MSH3: variants seen among roughly 807,000 people sequenced by gnomAD.
MSH3 encodes DNA mismatch repair protein Msh3.
Under a neutral mutation model 123.3 loss-of-function variants are expected in MSH3, and 106 were observed. That is an observed-to-expected ratio of 0.86 (90% CI 0.73 to 1.01). The LOEUF (loss-of-function observed/expected upper bound fraction) is 1.01. Among genes scored for constraint, MSH3 ranks in the 50% least tolerant of loss-of-function variants. MSH3 has a pLI of 0.00. For missense variants in MSH3, 1,459 were observed against 1,347.6 expected, an observed-to-expected ratio of 1.08 and a Z score of -1.29; for synonymous variants, 515 against 481.4, an observed-to-expected ratio of 1.07 and a Z score of -0.91.
At chr5:80,661,398 T>A (rs1376561495) in intron 2 of MSH3, among the ~76,000 whole-genome samples, 4 of 152,198 alleles carry the variant, frequency 2.6e-5, no homozygotes, top group Admixed American at 2.6e-4. Flanking sequence ...GTTTTCAAGT[T>A]CAGTGGTCTT....
intron 18 of MSH3, among the ~76,000 whole-genome samples, chr5:80,789,385 T>C (rs7702770): frequency 4.7e-5 from 7 of 149,106 alleles, no homozygotes; most frequent in African/African-American, 1.2e-4. Context: ...TTTTTTTTTT[T>C]CCTGAGACAG....
chr5:80,871,381 G>A (rs1286549703), intron 22 of MSH3, among the ~76,000 whole-genome samples: 3 of 152,188 alleles, frequency 2.0e-5, no homozygotes, highest in Non-Finnish European at 4.4e-5. Context: ...TGAGTCAGGA[G>A]TCCAGGTGCA....
In MSH3 at chr5:80,832,064, C is replaced by T. The variant is rs1183216174; in HGVS notation, c.2813+18323C>T. Among the ~76,000 whole-genome samples, 9 of 151,916 alleles carry T rather than the reference C, an allele frequency of 5.9e-5. No individual in the cohort carries two copies. In the South Asian group the frequency reaches 1.9e-3, roughly 32 times the overall value. On this transcript the variant is annotated intron_variant, in intron 20 of 23. Transcript: ENST00000265081. ...GGCGGAGCTTGCAGTGAGCTGAGAT[C>T]GCGCCACTGCACTCCAGCCTGGGCG...
chr5:80,766,544 C>CATG (rs1744127830), intron 13 of MSH3, among the ~76,000 whole-genome samples: 1 of 151,856 alleles, frequency 6.6e-6, no homozygotes, highest in Admixed American at 6.6e-5. Context: ...GGGGTTTCAC[C>CATG]ATGTTGGTAG....
chr5:80,726,477 T>A (rs1743305033), intron 9 of MSH3, among the ~76,000 whole-genome samples: 1 of 152,118 alleles, frequency 6.6e-6, no homozygotes. Context: ...CACTTCTTTT[T>A]ATTTTTTTCT....
intron 2 of MSH3, among the ~76,000 whole-genome samples, chr5:80,663,575 G>T (rs995462570): frequency 1.3e-5 from 2 of 151,616 alleles, no homozygotes; most frequent in East Asian, 3.9e-4. Context: ...CTATAGGAGG[G>T]AAACTCTTTG....
At chr5:80,699,341 C>G (rs879296366) in intron 8 of MSH3, among the ~76,000 whole-genome samples, 1 of 151,936 alleles carries the variant, frequency 6.6e-6, no homozygotes, top group East Asian at 1.9e-4. Context: ...GGTGGATCAC[C>G]TGAGGTCAGG....
intron 1 of MSH3, chr5:80,655,225 C>T: frequency 2.9e-6 from 1 of 345,326 alleles, no homozygotes; most frequent in East Asian, 4.4e-5. Flanking sequence ...CTCAGGTCTC[C>T]TGACTCCCAT....
At chr5:80,784,462 G>A (rs1219822200) in intron 17 of MSH3, among the ~76,000 whole-genome samples, 4 of 151,990 alleles carry the variant, frequency 2.6e-5, no homozygotes, top group African/African-American at 4.8e-5. Context: ...TATGGGGTAC[G>A]TGAGATATTT....
intron 6 of MSH3, among the ~76,000 whole-genome samples, chr5:80,673,885 A>T (rs1303631046): frequency 6.6e-6 from 1 of 152,218 alleles, no homozygotes. Context: ...ATGGGGGTGG[A>T]ATCAGTTCTC....
chr5:80,869,991 T>C (rs1469291327), intron 22 of MSH3, among the ~76,000 whole-genome samples: 2 of 150,870 alleles, frequency 1.3e-5, no homozygotes, highest in Non-Finnish European at 3.0e-5. Flanking sequence ...CTGACCAACA[T>C]GGAGAAACCC....
intron 12 of MSH3, among the ~76,000 whole-genome samples, chr5:80,759,689 G>C (rs1348086910): frequency 6.6e-6 from 1 of 152,196 alleles, no homozygotes; most frequent in Non-Finnish European, 1.5e-5. Flanking sequence ...AACCACTCAG[G>C]CTGCAGTGTG....
intron 9 of MSH3, among the ~76,000 whole-genome samples, chr5:80,725,948 C>T (rs1743296902): frequency 6.6e-6 from 1 of 152,152 alleles, no homozygotes; most frequent in Non-Finnish European, 1.5e-5. Context: ...GGAGTTTTGA[C>T]CATCTTTCCT....
At chr5:80,853,348 AC>A (rs1313518287) in intron 20 of MSH3, among the ~76,000 whole-genome samples, 4 of 151,968 alleles carry the variant, frequency 2.6e-5, no homozygotes, top group African/African-American at 9.7e-5. Flanking sequence ...GGTGGCATGC[AC>A]CTGTAGTCCC....
At chr5:80,827,440 A>G (rs888405607) in intron 20 of MSH3, among the ~76,000 whole-genome samples, 8 of 152,240 alleles carry the variant, frequency 5.3e-5, no homozygotes, top group African/African-American at 1.9e-4. Context: ...TGCCCAACTT[A>G]GTGTAATTCA....
intron 20 of MSH3, among the ~76,000 whole-genome samples, chr5:80,833,848 C>T (rs1399806435): frequency 2.1e-5 from 3 of 141,234 alleles, no homozygotes; most frequent in African/African-American, 8.0e-5. Flanking sequence ...TACAACATAG[C>T]AGAATAATAA....
chr5:80,798,934 T>G (rs1744744677), intron 19 of MSH3, among the ~76,000 whole-genome samples: 1 of 152,236 alleles, frequency 6.6e-6, no homozygotes, highest in African/African-American at 2.4e-5. Context: ...TCCCTTTCTA[T>G]TCAAGCACTT....
chr5:80,763,364 A>C (rs1205205266), intron 13 of MSH3, among the ~76,000 whole-genome samples: 2 of 152,228 alleles, frequency 1.3e-5, no homozygotes, highest in East Asian at 1.9e-4. Flanking sequence ...GGAGAAAGAT[A>C]TATGAGTTGG....
chr5:80,708,624 T>C (rs1438275445), intron 8 of MSH3, among the ~76,000 whole-genome samples: 4 of 152,118 alleles, frequency 2.6e-5, no homozygotes, highest in Admixed American at 1.3e-4. Flanking sequence ...GTCTCACTTA[T>C]GTTGCCCAAG....
Sources: allele counts gnomAD v4.1 joint callset (sites outside exome capture counted in the v4.1 genomes callset), GRCh38; gene constraint gnomAD v4.1.1; transcripts MANE v1.5; gene names NCBI Gene and HGNC (gene_info 2026-07-23, HGNC 2026-07-21).